Variants in CHRNA6 observed in about 807,000 individuals in gnomAD.
CHRNA6 encodes the protein neuronal acetylcholine receptor subunit alpha-6.
Under a neutral mutation model 40.9 loss-of-function variants are expected in CHRNA6, and 31 were observed. The ratio of observed to expected loss-of-function variants is 0.76; its 90% CI spans 0.57 to 1.02. The LOEUF is 1.02. Ranked by LOEUF, CHRNA6 falls within the 50% of genes least tolerant of loss-of-function variation. The pLI is 0.00. For missense variants in CHRNA6, 546 were observed against 596.6 expected (o/e 0.92, Z 0.88); for synonymous variants, 222 against 221.3 (o/e 1.00, Z -0.03).
At chr8:42,766,468 G>A (rs1816976392) in intron 1 of CHRNA6, among the ~76,000 whole-genome samples, 1 of 147,246 alleles carries the variant, frequency 6.8e-6, no homozygotes, top group Non-Finnish European at 1.5e-5. Flanking sequence ...CTCCAGCCTG[G>A]GCGACAGAGT....
chr8:42,763,099 G>T (rs1586428053), intron 2 of CHRNA6, among the ~76,000 whole-genome samples: 1 of 152,188 alleles, frequency 6.6e-6, no homozygotes, highest in African/African-American at 2.4e-5. Flanking sequence ...TTCTTGCCAA[G>T]AATGTGAATG....
Position 42,765,345 on chromosome 8 carries a change from G to A in CHRNA6, c.80-141C>T, listed in dbSNP as rs1816962600. 5.8e-6 allele frequency: 5 copies of A among 862,016 alleles called. No individual in the cohort carries two copies. In the Admixed American group the frequency reaches 9.9e-5, roughly 17 times the overall value. 53.4% of individuals were successfully genotyped at this position (862,016 alleles called of 1,614,324 possible). A position where few individuals can be genotyped will look rare whatever the true frequency, so the allele number is the denominator to read the frequency against. ...ATCCTGGTATTGTTACCACCTGTGCGTGCTCCACCAGTGCCCATCTCACCC... is the reference window on the plus strand; with the variant it reads ...ATCCTGGTATTGTTACCACCTGTGCATGCTCCACCAGTGCCCATCTCACCC... On this transcript the variant is annotated intron_variant, in intron 1 of 5. Transcript: ENST00000276410.
At chr8:42,764,927 G>A in intron 2 of CHRNA6, 138 bp downstream of exon 2, 1 of 891,456 alleles carries the variant, frequency 1.1e-6, no homozygotes, top group Admixed American at 2.7e-5. Flanking sequence ...TGGGAAAACT[G>A]CCTGCCTCCC....
rs371015436 is a variant in CHRNA6, at chr8:42,755,463, G to C, written c.1353+383C>G. Among the ~76,000 whole-genome samples the C allele has an allele frequency of 5.2e-3, 784 of 152,224 alleles. 12 individuals are homozygous for C. The highest frequency in any genetic ancestry group is 0.018 in the African/African-American group (750 of 41,508). On this transcript the variant is annotated intron_variant, in intron 5 of 5. Coordinates refer to ENST00000276410, the MANE Select transcript of CHRNA6 (RefSeq NM_004198.3). ...GGCTAATTTTTGTATTTTTAGTAGA[G>C]ATGGGGTTTCCCCATGTTGGCCATG... is the stretch of plus-strand genomic sequence containing the variant.
intron 2 of CHRNA6, among the ~76,000 whole-genome samples, chr8:42,760,537 T>G (rs1226009491): frequency 6.6e-6 from 1 of 150,568 alleles, no homozygotes; most frequent in Non-Finnish European, 1.5e-5. Context: ...CACACACTCA[T>G]ACCCACTCAC....
Position 42,756,974 on chromosome 8 carries a change from C to A in CHRNA6, c.328G>T (p.Val110Phe). ...MEYDGIETLRVPADKIWKPDI... is the reference protein window; with the variant it reads ...MEYDGIETLRFPADKIWKPDI... Reference sequence around the variant, plus strand: ...GGCTTCCAAATCTTATCTGCAGGAACGCGAAGAGTCTCAATGCCATCATAT... The same window carrying A: ...GGCTTCCAAATCTTATCTGCAGGAAAGCGAAGAGTCTCAATGCCATCATAT... Residue 110 changes from valine (V) to phenylalanine (F), a missense_variant, in exon 4 of 6, where the codon GTT (valine) becomes TTT (phenylalanine). Val to Phe is a conservative substitution (Grantham distance 50). Transcript: ENST00000276410. 3 of 1,614,052 alleles carry A rather than the reference C, an allele frequency of 1.9e-6. No homozygotes were observed. Among genetic ancestry groups the A allele is most frequent in the Non-Finnish European group, 2.5e-6 (3 of 1,179,878 alleles).
intron 2 of CHRNA6, 122 bp from the exon 3 acceptor site, chr8:42,759,235 C>G: frequency 1.4e-6 from 1 of 733,382 alleles, no homozygotes; most frequent in Admixed American, 2.0e-5. Flanking sequence ...AAGAAGACTT[C>G]AAGGCAATGT....
At chr8:42,754,103 C>T (rs1277164336) in intron 5 of CHRNA6, among the ~76,000 whole-genome samples, 1 of 152,106 alleles carries the variant, frequency 6.6e-6, no homozygotes, top group East Asian at 1.9e-4. Context: ...ACCCTCCAGC[C>T]TTCTGCCACT....
At position 42,756,119 on chromosome 8, in the gene CHRNA6, G is replaced by C. The variant is rs1015162630; in HGVS notation, c.1080C>G (p.Asp360Glu). The C allele has an allele frequency of 6.2e-7, 1 of 1,614,272 alleles. No individual in the cohort carries two copies. The highest frequency in any genetic ancestry group is 1.1e-5 in the South Asian group (1 of 91,090). Reference sequence around the variant, plus strand: ...CATCAGAGCCTGTGCCCCTTGTCTTGTCCAGAGGCCACCTCATCAGCAGGA... The same window carrying C: ...CATCAGAGCCTGTGCCCCTTGTCTTCTCCAGAGGCCACCTCATCAGCAGGA... Reference protein sequence around the residue: ...PQVLLMRWPLDKTRGTGSDAV... With the variant: ...PQVLLMRWPLEKTRGTGSDAV... Residue 360 changes from aspartate (D) to glutamate (E), a missense_variant, in exon 5 of 6, where the codon GAC becomes GAG. Coordinates refer to ENST00000276410, the MANE Select transcript of CHRNA6 (RefSeq NM_004198.3).
At position 42,753,197 on chromosome 8, in the gene CHRNA6, C is replaced by A; in HGVS notation, c.1467G>T (p.Gly489=). ...TAGLFLQPLL[G]NTGKS Reference sequence around the variant, plus strand: ...ATACATTTTAAGATTTTCCTGTGTTCCCAAGTAGTGGCTGTAGAAATAGCC... The same window carrying A: ...ATACATTTTAAGATTTTCCTGTGTTACCAAGTAGTGGCTGTAGAAATAGCC... The change falls in exon 6 of 6, where the codon GGG becomes GGT. Residue 489 remains glycine, a synonymous_variant. Transcript: ENST00000276410. 6.2e-7 allele frequency: 1 copy of A among 1,601,680 alleles called. No individual in the cohort carries two copies. Among genetic ancestry groups the A allele is most frequent in the South Asian group, 1.1e-5 (1 of 87,668 alleles).
chr8:42,756,612 T>C lies in CHRNA6; in HGVS notation c.587A>G (p.Asp196Gly). 1.2e-6 allele frequency: 2 copies of C among 1,614,142 alleles called. No homozygotes were observed. The highest frequency in any genetic ancestry group is 2.2e-5 in the East Asian group (1 of 44,880). The change falls in exon 5 of 6, where the codon GAT becomes GGT. Residue 196 changes from aspartate (D) to glycine (G), a missense_variant. Asp to Gly is a moderately conservative substitution (Grantham distance 94). Transcript: ENST00000276410. ...IDLLIIGSKV[D>G]MNDFWENSEW... ...ACTGTTTTCCCAAAAATCATTCATA[T>C]CCACTTTTGATCCAATGATTAGAAG...
chr8:42,760,688 A>C (rs1388612508), intron 2 of CHRNA6, among the ~76,000 whole-genome samples: 1 of 152,196 alleles, frequency 6.6e-6, no homozygotes. Context: ...AGTCACACAC[A>C]CACATCTATT....
intron 3 of CHRNA6, among the ~76,000 whole-genome samples, chr8:42,758,042 A>C (rs1586425582): frequency 6.6e-6 from 1 of 151,850 alleles, no homozygotes; most frequent in Admixed American, 6.6e-5. Context: ...CTCAAAAAAA[A>C]CCAAAAAACA....
At chr8:42,758,516 C>T (rs557299313) in intron 3 of CHRNA6, among the ~76,000 whole-genome samples, 4 of 152,110 alleles carry the variant, frequency 2.6e-5, no homozygotes, top group South Asian at 4.2e-4. Context: ...CCCACCACCA[C>T]GCCGGGCTAA....
chr8:42,755,378 G>T (rs1563623392), intron 5 of CHRNA6, among the ~76,000 whole-genome samples: 1 of 152,250 alleles, frequency 6.6e-6, no homozygotes, highest in East Asian at 1.9e-4. Flanking sequence ...CTGGGTTCAA[G>T]CGATTCTCCT....
chr8:42,759,300 C>A, intron 2 of CHRNA6, 187 bp from the exon 3 acceptor site: 1 of 573,020 alleles, frequency 1.7e-6, no homozygotes, highest in Non-Finnish European at 3.2e-6. Flanking sequence ...CTGGCTCCAG[C>A]CCTGTGGATT....
At position 42,760,463 on chromosome 8, in the gene CHRNA6, C is replaced by T. The variant is rs558044584; in HGVS notation, c.220-1350G>A. Reference sequence around the variant, plus strand: ...TCGTACGTGTGCACTCACACTCATACACACACACTGGTGCATACTCACTCA... The same window carrying T: ...TCGTACGTGTGCACTCACACTCATATACACACACTGGTGCATACTCACTCA... On this transcript the variant is annotated intron_variant, in intron 2 of 5. Coordinates refer to ENST00000276410, the MANE Select transcript of CHRNA6 (RefSeq NM_004198.3). Among the ~76,000 whole-genome samples, 51 of 139,212 alleles carry T rather than the reference C, an allele frequency of 3.7e-4. No individual in the cohort carries two copies. The East Asian group carries it at 8.3e-3, about 23-fold the overall frequency. The allele number at this position is 139,212 out of a possible 152,430, so 91.3% of individuals were successfully genotyped here.
intron 5 of CHRNA6, among the ~76,000 whole-genome samples, chr8:42,755,478 T>C (rs1274225941): frequency 6.6e-6 from 1 of 152,196 alleles, no homozygotes; most frequent in Non-Finnish European, 1.5e-5. Flanking sequence ...GGTTTCCCCA[T>C]GTTGGCCATG....
chr8:42,753,588 C>T (rs768208748), intron 5 of CHRNA6, among the ~76,000 whole-genome samples: 15 of 152,112 alleles, frequency 9.9e-5, no homozygotes, highest in Non-Finnish European at 1.5e-5. Context: ...GCAAGAGAAT[C>T]GCTTAAACCT....
Sources: allele counts gnomAD v4.1 joint callset (sites outside exome capture counted in the v4.1 genomes callset), GRCh38; gene constraint gnomAD v4.1.1; transcripts MANE v1.5; gene names NCBI Gene and HGNC (gene_info 2026-07-23, HGNC 2026-07-21).